The following MROH1 variants were observed in gnomAD, a reference collection of about 807,000 sequenced individuals.
MROH1 encodes maestro heat-like repeat-containing protein family member 1.
Under a neutral mutation model 116.5 loss-of-function variants are expected in MROH1, and 117 were observed. That is an observed-to-expected ratio of 1.00 (90% CI 0.86 to 1.17). MROH1 has a LOEUF of 1.17. Among genes scored for constraint, MROH1 ranks in the 50% most tolerant of loss-of-function variants. MROH1 has a pLI of 0.00. For synonymous variants in MROH1, 921 were observed against 583.9 expected (o/e 1.58, Z -8.32); for missense variants, 1,873 against 1,338.5 (o/e 1.40, Z -6.23).
chr8:144,255,469 C>T, intron 34 of MROH1, 40 bp from the exon 35 acceptor site: 1 of 772,854 alleles, frequency 1.3e-6, no homozygotes. Flanking sequence ...TCTCCTGCGG[C>T]CTGGAGGGAG....
At chr8:144,260,093 G>A in intron 38 of MROH1, 36 bp downstream of exon 38, 4 of 737,658 alleles carry the variant, frequency 5.4e-6, no homozygotes, top group Non-Finnish European at 9.9e-6. Flanking sequence ...GTCCCAGGCA[G>A]CATGGGTGGG....
rs977768729 is a variant in MROH1, at chr8:144,235,378, A to G, written c.1339-3378A>G. 7.2e-5 allele frequency among the ~76,000 whole-genome samples: 11 copies of G among 152,340 alleles called. No individual in the cohort carries two copies. The East Asian group carries it at 1.5e-3, about 21-fold the overall frequency. Reference sequence around the variant, plus strand: ...ATTTCCTTGCTTAGCTGTCCCAGCTAGAACGTCCAATACTGTTGAATAAAA... The same window carrying G: ...ATTTCCTTGCTTAGCTGTCCCAGCTGGAACGTCCAATACTGTTGAATAAAA... On this transcript the variant is annotated intron_variant, in intron 14 of 43. Transcript: ENST00000326134.
chr8:144,213,730 A>C (rs1243132549), intron 12 of MROH1, among the ~76,000 whole-genome samples: 1 of 152,162 alleles, frequency 6.6e-6, no homozygotes, highest in Non-Finnish European at 1.5e-5. Flanking sequence ...CAGAGGTTGC[A>C]GTGAGCCAAG....
At chr8:144,247,799 C>T (rs1343178961) in intron 31 of MROH1, 120 bp downstream of exon 31, 1 of 694,050 alleles carries the variant, frequency 1.4e-6, no homozygotes, top group South Asian at 1.5e-5. Context: ...GGCCAGTGGG[C>T]ATGAGCAGGG....
intron 12 of MROH1, chr8:144,212,904 G>A (rs1834458271): frequency 1.2e-5 from 8 of 688,842 alleles, no homozygotes; most frequent in Middle Eastern, 2.4e-4. Flanking sequence ...TTTCTGTTAC[G>A]TCTCTATCTC....
chr8:144,204,973 A>G (rs1386257631), intron 12 of MROH1, among the ~76,000 whole-genome samples: 1 of 152,212 alleles, frequency 6.6e-6, no homozygotes, highest in Non-Finnish European at 1.5e-5. Context: ...ACCCCAATTT[A>G]TACCCCACAC....
chr8:144,153,885 C>T (rs1817432487), intron 1 of MROH1, among the ~76,000 whole-genome samples: 1 of 151,908 alleles, frequency 6.6e-6, no homozygotes, highest in Admixed American at 6.6e-5. Context: ...CTCAGCTTCC[C>T]GAGTAGCCAG....
chr8:144,191,254 G>C (rs1828515318), intron 8 of MROH1, among the ~76,000 whole-genome samples: 1 of 152,174 alleles, frequency 6.6e-6, no homozygotes, highest in African/African-American at 2.4e-5. Flanking sequence ...ATTTTTAGTA[G>C]AGATGAGGTT....
intron 25 of MROH1, 91 bp from the exon 26 acceptor site, chr8:144,243,772 C>A (rs1208922152): frequency 1.3e-6 from 1 of 740,834 alleles, no homozygotes; most frequent in Admixed American, 1.9e-5. Context: ...CCTCGGGCCC[C>A]GCCTGTCACT....
At chr8:144,241,740 C>T (rs1841022122) in intron 22 of MROH1, among the ~76,000 whole-genome samples, 1 of 152,350 alleles carries the variant, frequency 6.6e-6, no homozygotes, top group African/African-American at 2.4e-5. Context: ...GCCAGGGCCA[C>T]GTCTCTGCCA....
intron 4 of MROH1, 107 bp downstream of exon 4, chr8:144,168,547 CG>C: frequency 7.3e-7 from 1 of 1,368,542 alleles, no homozygotes; most frequent in Non-Finnish European, 9.9e-7. Flanking sequence ...TCGGGTGTTA[CG>C]CAGGGGTGGC....
intron 14 of MROH1, among the ~76,000 whole-genome samples, chr8:144,235,863 T>A (rs1181213426): frequency 6.6e-6 from 1 of 152,228 alleles, no homozygotes; most frequent in Non-Finnish European, 1.5e-5. Context: ...TTTTTCCAAC[T>A]CATTTGGGAG....
At chr8:144,235,433 C>T (rs1839890926) in intron 14 of MROH1, among the ~76,000 whole-genome samples, 1 of 152,044 alleles carries the variant, frequency 6.6e-6, no homozygotes, top group Non-Finnish European at 1.5e-5. Flanking sequence ...TTGTCTTGTT[C>T]CTTCTCTTTG....
chr8:144,261,004 A>C lies in MROH1; in HGVS notation c.4634A>C (p.His1545Pro). The part of the protein sequence containing the change: ...QKHLQEGRAL[H>P]FGEFLNTTCK... ...CACCTGCAGGAGGGCCGAGCCCTGCACTTCGGGGAGTTCCTCAACACCACC... is the reference window on the plus strand; with the variant it reads ...CACCTGCAGGAGGGCCGAGCCCTGCCCTTCGGGGAGTTCCTCAACACCACC... Residue 1545 changes from histidine (H) to proline (P), a missense_variant, in exon 41 of 44, where the codon CAC becomes CCC. Coordinates refer to ENST00000326134, the MANE Select transcript of MROH1 (RefSeq NM_032450.3). 1.3e-6 allele frequency: 1 copy of C among 742,712 alleles called. No individual in the cohort carries two copies. The highest frequency in any genetic ancestry group is 2.5e-6 in the Non-Finnish European group (1 of 400,808). The allele number at this position is 742,712 out of a possible 1,614,324, so 46.0% of individuals were successfully genotyped here. A position where few individuals can be genotyped will look rare whatever the true frequency, so the allele number is the denominator to read the frequency against.
At position 144,244,639 on chromosome 8, in the gene MROH1, G is replaced by A. The variant is rs1841579443; in HGVS notation, c.2766+100G>A. On this transcript the variant is annotated intron_variant, in intron 28 of 43. Coordinates refer to ENST00000326134, the MANE Select transcript of MROH1 (RefSeq NM_032450.3). ...TCCACATGTGGGCACCACAGGGACA[G>A]TTTGGTGCTCTCTGCACTTGGGGGT... is the stretch of plus-strand genomic sequence containing the variant. 2.8e-5 allele frequency: 20 copies of A among 702,928 alleles called. 1 individual carries two copies. 43.5% of individuals were successfully genotyped at this position (702,928 alleles called of 1,614,324 possible). A position where few individuals can be genotyped will look rare whatever the true frequency, so the allele number is the denominator to read the frequency against.
chr8:144,174,656 T>C (rs1823378818), intron 4 of MROH1, among the ~76,000 whole-genome samples: 1 of 152,182 alleles, frequency 6.6e-6, no homozygotes, highest in East Asian at 1.9e-4. Context: ...TAATTGTTTT[T>C]ATTTTTTGTA....
At chr8:144,241,711 G>A (rs1014948019) in intron 22 of MROH1, among the ~76,000 whole-genome samples, 194 bp downstream of exon 22, 8,559 of 152,288 alleles carry the variant, frequency 0.056, 833 homozygotes, top group African/African-American at 0.19. Context: ...ATGGCCTCCC[G>A]GAGGCAAACG....
chr8:144,183,300 G>A (rs1201239362), intron 7 of MROH1, among the ~76,000 whole-genome samples: 1 of 150,814 alleles, frequency 6.6e-6, no homozygotes, highest in East Asian at 2.0e-4. Flanking sequence ...AGGATTGCTT[G>A]ACCCTGGGAA....
At chr8:144,192,265 G>A (rs6988451) in intron 9 of MROH1, 44 bp from the exon 10 acceptor site, 617,410 of 1,508,248 alleles carry the variant, frequency 0.41, 128,627 homozygotes, top group South Asian at 0.5. Flanking sequence ...CAGTTCGGGC[G>A]GCTGGAGGTA....
Sources: allele counts gnomAD v4.1 joint callset (sites outside exome capture counted in the v4.1 genomes callset), GRCh38; gene constraint gnomAD v4.1.1; transcripts MANE v1.5; gene names NCBI Gene and HGNC (gene_info 2026-07-23, HGNC 2026-07-21).